NDST4: variants seen among roughly 807,000 people sequenced by gnomAD.
NDST4 encodes N-deacetylase and N-sulfotransferase 4.
Under a neutral mutation model 100.8 loss-of-function variants are expected in NDST4, and 63 were observed. That is an observed-to-expected ratio of 0.62 (90% CI 0.51 to 0.77). The LOEUF (loss-of-function observed/expected upper bound fraction) is 0.77, where lower values mean the gene tolerates loss of function less well. Ranked by LOEUF, NDST4 falls within the 30% of genes least tolerant of loss-of-function variation. The pLI is 0.00. For missense variants in NDST4, 943 were observed against 1,018.4 expected, an observed-to-expected ratio of 0.93 and a Z score of 1.01; for synonymous variants, 377 against 361.8, an observed-to-expected ratio of 1.04 and a Z score of -0.48.
intron 2 of NDST4, among the ~76,000 whole-genome samples, chr4:115,040,872 G>A (rs942964518): frequency 2.0e-5 from 3 of 151,870 alleles, no homozygotes; most frequent in Non-Finnish European, 2.9e-5. Context: ...ATATTTAAAT[G>A]TATTAAATCA....
At chr4:115,021,731 C>T (rs1727830162) in intron 2 of NDST4, among the ~76,000 whole-genome samples, 1 of 148,208 alleles carries the variant, frequency 6.7e-6, no homozygotes, top group African/African-American at 2.6e-5. Flanking sequence ...ATACGTTCCA[C>T]ATCTATACAC....
chr4:114,899,134 C>T (rs973567791), intron 6 of NDST4, among the ~76,000 whole-genome samples: 1 of 152,032 alleles, frequency 6.6e-6, no homozygotes, highest in Admixed American at 6.6e-5. Context: ...CTTCCAGTTT[C>T]TCAACATTAA....
intron 6 of NDST4, among the ~76,000 whole-genome samples, chr4:114,924,724 A>G (rs1443154261): frequency 1.3e-5 from 2 of 152,172 alleles, no homozygotes; most frequent in Non-Finnish European, 2.9e-5. Context: ...ACGTTGATTA[A>G]TGGGTACAAA....
chr4:114,889,340 A>C (rs1315564449), intron 6 of NDST4, among the ~76,000 whole-genome samples: 1 of 152,202 alleles, frequency 6.6e-6, no homozygotes. Context: ...ATGAATATAC[A>C]AATTATATAA....
intron 1 of NDST4, among the ~76,000 whole-genome samples, 152 bp downstream of exon 1, chr4:115,113,292 G>C (rs767903636): frequency 6.6e-6 from 1 of 151,796 alleles, no homozygotes; most frequent in Non-Finnish European, 1.5e-5. Flanking sequence ...ATGCGGAAAA[G>C]GGAGATTGAA....
At chr4:114,838,574 A>G (rs945389716) in intron 11 of NDST4, among the ~76,000 whole-genome samples, 2 of 152,160 alleles carry the variant, frequency 1.3e-5, no homozygotes, top group Non-Finnish European at 2.9e-5. Flanking sequence ...AGGAACAGAA[A>G]ACCAAATTCC....
At chr4:114,875,688 G>A (rs12639904) in intron 6 of NDST4, among the ~76,000 whole-genome samples, 11,920 of 152,034 alleles carry the variant, frequency 0.078, 517 homozygotes, top group African/African-American at 0.11. Flanking sequence ...GTAACATTTT[G>A]TGTTTGACTT....
At chr4:114,929,770 T>A (rs1229005183) in intron 6 of NDST4, among the ~76,000 whole-genome samples, 1 of 152,244 alleles carries the variant, frequency 6.6e-6, no homozygotes, top group Non-Finnish European at 1.5e-5. Flanking sequence ...CTGAGATTTA[T>A]TTTAAGTTTA....
chr4:114,848,808 A>G (rs2126187420), intron 8 of NDST4, among the ~76,000 whole-genome samples: 1 of 152,272 alleles, frequency 6.6e-6, no homozygotes, highest in South Asian at 2.1e-4. Context: ...TCCGGAAGTA[A>G]CTCTTGATTA....
At chr4:114,978,058 A>G (rs1353395189) in intron 2 of NDST4, among the ~76,000 whole-genome samples, 3 of 152,048 alleles carry the variant, frequency 2.0e-5, no homozygotes, top group Non-Finnish European at 2.9e-5. Context: ...AATTTGTAGC[A>G]TAATTCAGAA....
chr4:115,021,103 T>C (rs1727802071), intron 2 of NDST4, among the ~76,000 whole-genome samples: 1 of 151,966 alleles, frequency 6.6e-6, no homozygotes, highest in Non-Finnish European at 1.5e-5. Flanking sequence ...AAAAAAGATA[T>C]TGCATACACA....
At chr4:114,902,201 C>G (rs182258244) in intron 6 of NDST4, among the ~76,000 whole-genome samples, 45 of 152,022 alleles carry the variant, frequency 3.0e-4, no homozygotes, top group African/African-American at 1.0e-3. Context: ...TATGTAGAAT[C>G]AAGTTTATGA....
At chr4:115,022,660 C>T (rs1303854974) in intron 2 of NDST4, among the ~76,000 whole-genome samples, 1 of 152,072 alleles carries the variant, frequency 6.6e-6, no homozygotes, top group Non-Finnish European at 1.5e-5. Context: ...TATGTCCCCA[C>T]CCGAATCTCA....
intron 3 of NDST4, among the ~76,000 whole-genome samples, chr4:114,971,385 A>G (rs1726511023): frequency 6.6e-6 from 1 of 152,070 alleles, no homozygotes; most frequent in Non-Finnish European, 1.5e-5. Context: ...AAACATTGTT[A>G]TGCCACAGTT....
intron 1 of NDST4, among the ~76,000 whole-genome samples, chr4:115,092,934 A>C (rs1316228021): frequency 6.6e-6 from 1 of 152,216 alleles, no homozygotes; most frequent in Admixed American, 6.5e-5. Flanking sequence ...AAAAAATCCA[A>C]GTATATGCTG....
chr4:114,840,873 G>A (rs1171534153), intron 10 of NDST4, among the ~76,000 whole-genome samples: 2 of 152,088 alleles, frequency 1.3e-5, no homozygotes, highest in Non-Finnish European at 2.9e-5. Flanking sequence ...GAATTGATGA[G>A]TGGTTAAAGA....
At chr4:114,935,487 G>T (rs1381366576) in intron 5 of NDST4, among the ~76,000 whole-genome samples, 153 bp from the exon 6 acceptor site, 1 of 152,124 alleles carries the variant, frequency 6.6e-6, no homozygotes, top group Non-Finnish European at 1.5e-5. Context: ...GTTGATGTTG[G>T]TGCAATTCTG....
intron 4 of NDST4, among the ~76,000 whole-genome samples, chr4:114,951,795 T>C (rs1316501097): frequency 6.6e-6 from 1 of 152,118 alleles, no homozygotes; most frequent in Non-Finnish European, 1.5e-5. Context: ...AGGTAAGGAC[T>C]CATGTAATGT....
intron 3 of NDST4, among the ~76,000 whole-genome samples, chr4:114,975,203 T>G (rs1726605616): frequency 1.3e-5 from 2 of 152,092 alleles, no homozygotes; most frequent in Non-Finnish European, 2.9e-5. Flanking sequence ...ATTCATATAA[T>G]TATGATGGCA....
Sources: gnomAD v4.1 joint callset for allele counts (sites outside exome capture counted in the v4.1 genomes callset) on GRCh38, gnomAD v4.1.1 for gene constraint, MANE v1.5 for transcripts, NCBI Gene and HGNC (gene_info 2026-07-23, HGNC 2026-07-21) for gene names.